DOCK9: variants seen among roughly 807,000 people sequenced by gnomAD.
DOCK9 encodes dedicator of cytokinesis protein 9.
A neutral mutation model predicts 263.3 loss-of-function variants in DOCK9; 89 were observed. That is an observed-to-expected ratio of 0.34 (90% confidence interval 0.28 to 0.40). The LOEUF is 0.40. DOCK9 is among the 10% of genes least tolerant of loss of function. The pLI, the probability that DOCK9 is intolerant of heterozygous loss-of-function variation, is 1.00. For missense variants in DOCK9, 2,140 were observed against 2,603.4 expected (o/e 0.82, Z 3.87); for synonymous variants, 976 against 973.1 (o/e 1.00, Z -0.06).
rs2093934453 is a variant in DOCK9 at position 98,863,520 on chromosome 13, A to T, written c.3315T>A (p.Asp1105Glu). The change falls in exon 31 of 53, where the codon GAT becomes GAA. Residue 1105 changes from aspartate to glutamate, a missense_variant. Transcript: ENST00000682017. ...QDLQLDYSLT[D>E]EFCRNHFLVG... The stretch of plus-strand genomic sequence containing the variant: ...CCAAGAAGTGGTTTCTGCAGAACTC[A>T]TCTGTTAATGAGTAGTCAAGCTGGA... 7 of 1,613,366 alleles carry T rather than the reference A, an allele frequency of 4.3e-6. No individual in the cohort carries two copies. The highest frequency in any genetic ancestry group is 5.9e-6 in the Non-Finnish European group (7 of 1,179,672).
chr13:98,902,565 A>G, intron 11 of DOCK9, 74 bp from the exon 12 acceptor site: 1 of 1,423,590 alleles, frequency 7.0e-7, no homozygotes, highest in South Asian at 1.3e-5. Flanking sequence ...TCAAAAGAGA[A>G]ATGACAAGAC....
At chr13:98,898,370 G>C in intron 13 of DOCK9, 109 bp from the exon 14 acceptor site, 1 of 771,178 alleles carries the variant, frequency 1.3e-6, no homozygotes, top group East Asian at 2.7e-5. Context: ...CATAGCATTG[G>C]ATGCATAGAA....
intron 2 of DOCK9, among the ~76,000 whole-genome samples, chr13:98,933,674 T>C (rs2054318848): frequency 6.6e-6 from 1 of 152,256 alleles, no homozygotes; most frequent in African/African-American, 2.4e-5. Context: ...TATTTCTTCG[T>C]GCATGTCTTG....
chr13:98,812,625 ATG>A, intron 45 of DOCK9, among the ~76,000 whole-genome samples: 3 of 152,308 alleles, frequency 2.0e-5, no homozygotes, highest in Non-Finnish European at 4.4e-5. Context: ...ACTGAATGGT[ATG>A]ACTAGGGTGA....
intron 17 of DOCK9, 61 bp from the exon 18 acceptor site, chr13:98,888,284 T>C (rs2138954859): frequency 6.2e-7 from 1 of 1,602,622 alleles, no homozygotes; most frequent in African/African-American, 1.3e-5. Flanking sequence ...ATGTAAGTAT[T>C]TATAAAAGAA....
chr13:98,822,732 C>G (rs1305529029), intron 45 of DOCK9, among the ~76,000 whole-genome samples: 1 of 152,146 alleles, frequency 6.6e-6, no homozygotes, highest in Non-Finnish European at 1.5e-5. Context: ...GGTGGAGAAA[C>G]AGCAGAACTG....
chr13:98,808,530 T>TAA, intron 47 of DOCK9: 4 of 731,534 alleles, frequency 5.5e-6, no homozygotes, highest in South Asian at 3.4e-5. Flanking sequence ...CACAAAACAG[T>TAA]AAAAAAAAAT....
At position 98,915,322 on chromosome 13, in the gene DOCK9, T is replaced by C. The variant is rs945370789; in HGVS notation, c.892+7A>G. The C allele has an allele frequency of 1.2e-6, 2 of 1,612,846 alleles. No individual in the cohort carries two copies. Among genetic ancestry groups the C allele is most frequent in the Non-Finnish European group, 8.5e-7 (1 of 1,179,376 alleles). ...GTATGTGCCTGGGGGAAGCCAAGCC[T>C]ATCTACCTTCGTGAGAGTCGCCATT... On this transcript the variant is annotated splice_region_variant and intron_variant, in intron 8 of 52. Transcript: ENST00000682017.
chr13:98,882,046 A>G, intron 23 of DOCK9, 39 bp from the exon 24 acceptor site: 1 of 1,499,258 alleles, frequency 6.7e-7, no homozygotes, highest in Non-Finnish European at 9.1e-7. Context: ...TTATCCTTCT[A>G]AAAGTAAACC....
chr13:98,897,692 A>G, intron 14 of DOCK9, 82 bp from the exon 15 acceptor site: 4 of 1,543,458 alleles, frequency 2.6e-6, no homozygotes, highest in Non-Finnish European at 3.5e-6. Context: ...TTTCTATGAG[A>G]AGTCTAATTA....
At chr13:98,817,581 C>T (rs1358685623) in intron 45 of DOCK9, among the ~76,000 whole-genome samples, 1 of 149,482 alleles carries the variant, frequency 6.7e-6, no homozygotes, top group African/African-American at 2.5e-5. Flanking sequence ...GTGTGAGCCA[C>T]CACATCTAGC....
Position 98,825,769 on chromosome 13 carries a change from T to G in DOCK9, c.5023+1061A>C, listed in dbSNP as rs1304061565. On this transcript the variant is annotated intron_variant, in intron 44 of 52. Coordinates refer to ENST00000682017, the MANE Select transcript of DOCK9 (RefSeq NM_001366683.2). The surrounding 1 kb of genome is among the most constrained non-coding windows in gnomAD (Gnocchi z 4.1). ...GCCACAGAGTAGGAGGGAAGGAGAG[T>G]GAAGTCTGTCCATGCAAAGTTAAAA... is the stretch of plus-strand genomic sequence containing the variant. The G allele has an allele frequency of 4.3e-6, 3 of 703,478 alleles. No individual in the cohort carries two copies. The highest frequency in any genetic ancestry group is 6.6e-5 in the East Asian group (2 of 30,080). The allele number at this position is 703,478 out of a possible 1,614,324, so 43.6% of individuals were successfully genotyped here.
chr13:99,046,693 C>G (rs2040450487), intron 1 of DOCK9, among the ~76,000 whole-genome samples: 1 of 152,240 alleles, frequency 6.6e-6, no homozygotes. Flanking sequence ...TAAACACACA[C>G]AGCCTGGAAA....
At chr13:99,036,565 CAG>C (rs1314091463) in intron 1 of DOCK9, among the ~76,000 whole-genome samples, 2 of 152,136 alleles carry the variant, frequency 1.3e-5, no homozygotes, top group African/African-American at 4.8e-5. Context: ...GTTTTTGAGA[CAG>C]AGTCTTGCTC....
chr13:99,044,367 T>C (rs1053528764), intron 1 of DOCK9, among the ~76,000 whole-genome samples: 3 of 152,188 alleles, frequency 2.0e-5, no homozygotes, highest in Non-Finnish European at 2.9e-5. Context: ...TGGTATACAG[T>C]AGGACATCAA....
At chr13:98,881,805 C>T (rs2044808811) in intron 24 of DOCK9, 87 bp downstream of exon 24, 6 of 1,308,664 alleles carry the variant, frequency 4.6e-6, no homozygotes, top group East Asian at 2.5e-5. Flanking sequence ...TAATGTTCAG[C>T]ACACAGTAGC....
At position 98,855,958 on chromosome 13, in the gene DOCK9, G is replaced by A. The variant is rs1292947363; in HGVS notation, c.3771C>T (p.Ser1257=). Residue 1257 remains serine (S), a synonymous_variant, in exon 34 of 53, where the codon AGC becomes AGT. Coordinates refer to ENST00000682017, the MANE Select transcript of DOCK9 (RefSeq NM_001366683.2). ...CTGGAAGGCTGTTACCCGAATCTGT[G>A]CTTATGAGAGATCCTCTCGAATCAG... The part of the protein sequence containing the change: ...RNADSRGSLI[S]TDSGNSLPER... 2 of 1,613,986 alleles carry A rather than the reference G, an allele frequency of 1.2e-6. No homozygotes were observed. The highest frequency in any genetic ancestry group is 1.7e-6 in the Non-Finnish European group (2 of 1,179,876).
At position 98,794,326 on chromosome 13, in the gene DOCK9, T is replaced by C; in HGVS notation, c.*300A>G. On this transcript the variant is annotated 3_prime_UTR_variant, in exon 53 of 53. Coordinates refer to ENST00000682017, the MANE Select transcript of DOCK9 (RefSeq NM_001366683.2). Reference sequence around the variant, plus strand: ...GAACCTTTTTTTTCTGTAGGCCATCTATTCTAACACTACTCTGCAAGGAAG... The same window carrying C: ...GAACCTTTTTTTTCTGTAGGCCATCCATTCTAACACTACTCTGCAAGGAAG... The C allele has an allele frequency of 3.1e-6, 1 of 317,762 alleles. No homozygotes were observed. Among genetic ancestry groups the C allele is most frequent in the Non-Finnish European group, 5.7e-6 (1 of 175,890 alleles). The allele number at this position is 317,762 out of a possible 1,614,324, so 19.7% of individuals were successfully genotyped here.
exon 1 of DOCK9, chr13:99,086,332 A>C: frequency 6.9e-7 from 1 of 1,459,548 alleles, no homozygotes; most frequent in East Asian, 3.0e-5. Flanking sequence ...CGAGGCGGGG[A>C]GCAGCGGCGG....
Sources: allele counts gnomAD v4.1 joint callset (sites outside exome capture counted in the v4.1 genomes callset), GRCh38; gene constraint gnomAD v4.1.1; non-coding constraint Gnocchi (gnomAD v3.1); transcripts MANE v1.5; gene names NCBI Gene and HGNC (gene_info 2026-07-23, HGNC 2026-07-21).